Variants in WDPCP observed in about 807,000 individuals in gnomAD.
The protein encoded by WDPCP is WD repeat containing planar cell polarity effector.
A neutral mutation model predicts 93.1 loss-of-function variants in WDPCP; 71 were observed. That is an observed-to-expected ratio of 0.76 (90% CI 0.63 to 0.93). The LOEUF (loss-of-function observed/expected upper bound fraction) is 0.93, where lower values mean the gene tolerates loss of function less well. Among genes scored for constraint, WDPCP ranks in the 40% least tolerant of loss-of-function variants. The pLI is 0.00. For missense variants in WDPCP, 844 were observed against 887.4 expected (o/e 0.95, Z 0.62); for synonymous variants, 315 against 315.0 (o/e 1.00, Z 0.00).
intron 1 of WDPCP, among the ~76,000 whole-genome samples, chr2:63,506,153 T>G (rs888186838): frequency 4.6e-5 from 7 of 152,140 alleles, no homozygotes; most frequent in Non-Finnish European, 7.4e-5. Context: ...TTTGATAGTT[T>G]CTGAAATTTT....
chr2:63,766,242 T>C (rs1002235136), intron 2 of WDPCP, among the ~76,000 whole-genome samples: 3 of 152,178 alleles, frequency 2.0e-5, no homozygotes, highest in Non-Finnish European at 2.9e-5. Context: ...CCTGAACATA[T>C]ACATTACATA....
chr2:63,700,564 T>C (rs1669033028), intron 2 of WDPCP, among the ~76,000 whole-genome samples: 2 of 152,202 alleles, frequency 1.3e-5, no homozygotes, highest in African/African-American at 4.8e-5. Context: ...CTGAACATTT[T>C]TTCCTTTACT....
chr2:63,623,493 C>T (rs947175627), intron 3 of WDPCP, among the ~76,000 whole-genome samples: 1 of 150,358 alleles, frequency 6.7e-6, no homozygotes, highest in Non-Finnish European at 1.5e-5. Context: ...GAATATTTAC[C>T]AAGCAAATGG....
At chr2:63,508,339 T>C (rs1031899881) in intron 1 of WDPCP, among the ~76,000 whole-genome samples, 5 of 152,116 alleles carry the variant, frequency 3.3e-5, no homozygotes, top group African/African-American at 1.2e-4. Context: ...CAAACTAAGC[T>C]TCATAAGTGA....
At chr2:63,415,581 A>G (rs1695357567) in intron 9 of WDPCP, among the ~76,000 whole-genome samples, 1 of 152,214 alleles carries the variant, frequency 6.6e-6, no homozygotes, top group African/African-American at 2.4e-5. Flanking sequence ...GGTCCCACTA[A>G]TAAGTGATAG....
Position 63,172,050 on chromosome 2 carries a change from G to A in WDPCP, c.2078+2620C>T, listed in dbSNP as rs532759996. On this transcript the variant is annotated intron_variant, in intron 15 of 17. Transcript: ENST00000272321. The stretch of plus-strand genomic sequence containing the variant: ...TTGCCTCAGGCTGGGTTAGGAGAGT[G>A]GAAATTGGGCATAAGGGAACTATTT... Among the ~76,000 whole-genome samples the A allele has an allele frequency of 3.9e-5, 6 of 152,310 alleles. No homozygotes were observed. In the South Asian group the frequency reaches 1.2e-3, roughly 32 times the overall value.
chr2:63,228,029 C>A (rs1678440142), intron 14 of WDPCP, among the ~76,000 whole-genome samples: 1 of 151,994 alleles, frequency 6.6e-6, no homozygotes, highest in Non-Finnish European at 1.5e-5. Context: ...TAGTCAAAAT[C>A]AGTTGCTAAG....
At chr2:63,390,655 C>T (rs1693161544) in intron 10 of WDPCP, among the ~76,000 whole-genome samples, 1 of 151,998 alleles carries the variant, frequency 6.6e-6, no homozygotes, top group Non-Finnish European at 1.5e-5. Flanking sequence ...AGACCGCTAG[C>T]AAGACTAATA....
chr2:63,259,428 A>C lies in WDPCP; in HGVS notation c.1813-19T>G. 1 of 1,588,088 alleles carries C rather than the reference A, an allele frequency of 6.3e-7. No individual in the cohort carries two copies. Among genetic ancestry groups the C allele is most frequent in the South Asian group, 1.1e-5 (1 of 90,616 alleles). On this transcript the variant is annotated intron_variant, in intron 13 of 17. Transcript: ENST00000272321. ...GAATATCCTGAGGAAATAAAGCAAAATAAAAGATTGATTCAAAATGAACCT... is the reference window on the plus strand; with the variant it reads ...GAATATCCTGAGGAAATAAAGCAAACTAAAAGATTGATTCAAAATGAACCT...
chr2:63,224,927 A>G (rs988695038), intron 14 of WDPCP, among the ~76,000 whole-genome samples: 1 of 151,956 alleles, frequency 6.6e-6, no homozygotes, highest in African/African-American at 2.4e-5. Context: ...TAGGCTCACC[A>G]ATTGTAACAG....
At chr2:63,658,581 CTTAT>C (rs1259825448) in intron 2 of WDPCP, among the ~76,000 whole-genome samples, 1 of 152,188 alleles carries the variant, frequency 6.6e-6, no homozygotes, top group African/African-American at 2.4e-5. Context: ...TATATTTATT[CTTAT>C]TTATCAGAAA....
chr2:63,609,954 A>G (rs760578011), intron 3 of WDPCP, among the ~76,000 whole-genome samples: 91 of 152,206 alleles, frequency 6.0e-4, no homozygotes, highest in Non-Finnish European at 1.1e-3. Flanking sequence ...TGTAGAAACA[A>G]GTAATTTTTC....
intron 12 of WDPCP, among the ~76,000 whole-genome samples, chr2:63,368,467 A>G (rs966773654): frequency 1.3e-5 from 2 of 152,058 alleles, no homozygotes; most frequent in Non-Finnish European, 2.9e-5. Context: ...CTGGGATTAC[A>G]GGCTCATGCC....
intron 14 of WDPCP, among the ~76,000 whole-genome samples, chr2:63,195,838 C>G (rs531399045): frequency 2.0e-5 from 3 of 152,030 alleles, no homozygotes; most frequent in African/African-American, 7.2e-5. Flanking sequence ...CACTTATAGA[C>G]CATACATGGA....
intron 2 of WDPCP, among the ~76,000 whole-genome samples, chr2:63,723,039 T>G (rs1669448700): frequency 6.6e-6 from 1 of 152,192 alleles, no homozygotes; most frequent in African/African-American, 2.4e-5. Flanking sequence ...GTTGAACGGA[T>G]TAAGGGCGGT....
intron 13 of WDPCP, among the ~76,000 whole-genome samples, chr2:63,295,823 G>T (rs1684805921): frequency 6.9e-6 from 1 of 144,102 alleles, no homozygotes; most frequent in Non-Finnish European, 1.5e-5. Flanking sequence ...TGAACTCATG[G>T]ACTACTTTTA....
intron 2 of WDPCP, among the ~76,000 whole-genome samples, chr2:63,659,649 G>T (rs924065090): frequency 6.6e-5 from 10 of 152,156 alleles, no homozygotes; most frequent in South Asian, 2.1e-4. Context: ...CCTTGATTTT[G>T]GACTTCTGGC....
intron 12 of WDPCP, among the ~76,000 whole-genome samples, chr2:63,338,807 T>A (rs1688639771): frequency 6.6e-6 from 1 of 151,576 alleles, no homozygotes; most frequent in South Asian, 2.1e-4. Flanking sequence ...TGAAGTCAGG[T>A]AGTGTAATGA....
intron 14 of WDPCP, among the ~76,000 whole-genome samples, chr2:63,211,258 G>A (rs13404674): frequency 6.6e-5 from 10 of 152,156 alleles, no homozygotes; most frequent in African/African-American, 9.7e-5. Context: ...CCTCTGAGAC[G>A]AAGCTTCCAG....
Sources: allele counts gnomAD v4.1 joint callset (sites outside exome capture counted in the v4.1 genomes callset), GRCh38; gene constraint gnomAD v4.1.1; transcripts MANE v1.5; gene names NCBI Gene and HGNC (gene_info 2026-07-23, HGNC 2026-07-21).